Variants in CCDC25 observed in about 807,000 individuals in gnomAD.
CCDC25 encodes coiled-coil domain-containing protein 25.
CCDC25 carries 16 observed loss-of-function variants against 35.3 expected under a neutral mutation model. The ratio of observed to expected loss-of-function variants is 0.45; its 90% CI spans 0.31 to 0.69. CCDC25 has a LOEUF of 0.69. CCDC25 is among the 30% of genes least tolerant of loss of function. The probability of loss-of-function intolerance (pLI) is 0.06; values close to 1 mark genes in which losing one functional copy is unlikely to be tolerated. For missense variants in CCDC25, 179 were observed against 250.7 expected, an observed-to-expected ratio of 0.71 and a Z score of 1.93; for synonymous variants, 79 against 80.3, an observed-to-expected ratio of 0.98 and a Z score of 0.09.
chr8:27,768,914 T>C (rs1341243695), intron 1 of CCDC25, among the ~76,000 whole-genome samples: 1 of 122,262 alleles, frequency 8.2e-6, no homozygotes, highest in Non-Finnish European at 1.8e-5. Context: ...ACACTGGACT[T>C]ATTAGACTAA....
In CCDC25 at chr8:27,758,006, G is replaced by A. The variant is rs756564283; in HGVS notation, c.117-1236C>T. Among the ~76,000 whole-genome samples, 28 of 152,106 alleles carry A rather than the reference G, an allele frequency of 1.8e-4. 1 individual carries two copies. Among genetic ancestry groups the A allele is most frequent in the Non-Finnish European group, 3.4e-4 (23 of 68,026 alleles). Reference sequence around the variant, plus strand: ...CCATGATTAAAAGTTCTATGAATGAGGCCTCCCAGAAACAGACACTGCCAT... The same window carrying A: ...CCATGATTAAAAGTTCTATGAATGAAGCCTCCCAGAAACAGACACTGCCAT... On this transcript the variant is annotated intron_variant, in intron 3 of 8. Transcript: ENST00000356537.
chr8:27,771,973 G>C (rs1804635509), intron 1 of CCDC25: 1 of 153,722 alleles, frequency 6.5e-6, no homozygotes, highest in Non-Finnish European at 1.5e-5. Flanking sequence ...CTGAGATCTG[G>C]GACATCAACT....
intron 2 of CCDC25, among the ~76,000 whole-genome samples, chr8:27,762,887 A>G (rs983605905): frequency 1.3e-5 from 2 of 152,164 alleles, no homozygotes; most frequent in Non-Finnish European, 2.9e-5. Context: ...AATTTAAAAC[A>G]AAACAAACAT....
In CCDC25 at chr8:27,736,472, AGCAG is replaced by A. The variant is rs1026570553; in HGVS notation, c.598-231_598-228del. On this transcript the variant is annotated intron_variant, in intron 8 of 8. Coordinates refer to ENST00000356537, the MANE Select transcript of CCDC25 (RefSeq NM_018246.3). ...GTGTCATTACATGGCCTGATTACAC[AGCAG>A]TAAGTGACCACTGATCTCTAAATAA... 4.9e-4 allele frequency among the ~76,000 whole-genome samples: 74 copies of A among 152,308 alleles called. No individual in the cohort carries two copies. In the Middle Eastern group the frequency reaches 0.01, roughly 21 times the overall value.
intron 7 of CCDC25, among the ~76,000 whole-genome samples, chr8:27,745,305 C>T (rs2128937937): frequency 6.6e-6 from 1 of 152,246 alleles, no homozygotes; most frequent in South Asian, 2.1e-4. Context: ...CGCATCTCAA[C>T]TTTTAAATAT....
At chr8:27,753,751 A>G (rs1022879205) in intron 4 of CCDC25, among the ~76,000 whole-genome samples, 1 of 152,198 alleles carries the variant, frequency 6.6e-6, no homozygotes, top group African/African-American at 2.4e-5. Flanking sequence ...CTCTAAATCT[A>G]ATAGTTCCAA....
At chr8:27,741,539 G>A (rs535675415) in intron 7 of CCDC25, among the ~76,000 whole-genome samples, 18 of 152,226 alleles carry the variant, frequency 1.2e-4, no homozygotes, top group South Asian at 6.2e-4. Flanking sequence ...ATTAGCAAGC[G>A]TGGTGGCGTG....
At chr8:27,742,237 A>T (rs912129185) in intron 7 of CCDC25, among the ~76,000 whole-genome samples, 8 of 152,228 alleles carry the variant, frequency 5.3e-5, no homozygotes, top group Admixed American at 5.2e-4. Context: ...AGTCAAAGAT[A>T]ATGAGTTGGG....
intron 5 of CCDC25, among the ~76,000 whole-genome samples, chr8:27,750,409 G>A (rs1803757878): frequency 2.0e-5 from 3 of 152,164 alleles, no homozygotes; most frequent in African/African-American, 7.2e-5. Flanking sequence ...CAACGGGGTG[G>A]ATAATTTATG....
At chr8:27,756,258 T>A (rs184185901) in intron 4 of CCDC25, 39 of 154,908 alleles carry the variant, frequency 2.5e-4, no homozygotes, top group Admixed American at 1.2e-3. Flanking sequence ...AATAGTGGTA[T>A]TGTATTACTA....
chr8:27,751,569 C>T (rs1285920361), intron 5 of CCDC25, among the ~76,000 whole-genome samples: 13 of 152,154 alleles, frequency 8.5e-5, no homozygotes, highest in Admixed American at 6.5e-4. Context: ...GCTGTGGGTC[C>T]GCCCCATGTT....
intron 1 of CCDC25, among the ~76,000 whole-genome samples, chr8:27,765,942 A>T (rs1316642963): frequency 1.3e-5 from 2 of 152,224 alleles, no homozygotes; most frequent in Non-Finnish European, 2.9e-5. Context: ...TTCTAATATA[A>T]GGTCAGGGTT....
chr8:27,740,228 C>T (rs1303885390), intron 8 of CCDC25, among the ~76,000 whole-genome samples: 9 of 152,082 alleles, frequency 5.9e-5, no homozygotes, highest in South Asian at 2.1e-4. Flanking sequence ...TAGACCTGTA[C>T]GCCACAGTAG....
At chr8:27,738,286 A>G (rs183980218) in intron 8 of CCDC25, among the ~76,000 whole-genome samples, 14 of 151,748 alleles carry the variant, frequency 9.2e-5, no homozygotes, top group Non-Finnish European at 7.4e-5. Context: ...AAAACAAAAC[A>G]CAAACATCTG....
rs1803678089 is a variant in CCDC25 at position 27,748,396 on chromosome 8, T to C, written c.348+99A>G. ...TTTAATTCCCTTTAGAAAACATATA[T>C]CATGCTCAGCCCTCAACAACAATGG... On this transcript the variant is annotated intron_variant, in intron 6 of 8. Transcript: ENST00000356537. The C allele has an allele frequency of 3.8e-6, 5 of 1,311,118 alleles. No individual in the cohort carries two copies. In the South Asian group the frequency reaches 6.1e-5, roughly 16 times the overall value. The allele number at this position is 1,311,118 out of a possible 1,614,324, so 81.2% of individuals were successfully genotyped here.
intron 8 of CCDC25, 79 bp downstream of exon 8, chr8:27,740,393 A>C: frequency 2.9e-6 from 4 of 1,373,998 alleles, no homozygotes; most frequent in Non-Finnish European, 4.1e-6. Context: ...GTAAGGCAAT[A>C]ATGGCCAGTA....
chr8:27,755,406 A>T (rs1305600126), intron 4 of CCDC25, among the ~76,000 whole-genome samples: 1 of 152,248 alleles, frequency 6.6e-6, no homozygotes, highest in Non-Finnish European at 1.5e-5. Context: ...AAATAAACGC[A>T]GGAGTCTAGG....
rs148402726 is a variant in CCDC25 at position 27,768,482 on chromosome 8, T to C, written c.29-3231A>G. ...AAGGAGGCTGAGGCAAGAGAATCGC[T>C]TGAACCTAGGAGGCAGAAGTCGCAG... is the stretch of plus-strand genomic sequence containing the variant. On this transcript the variant is annotated intron_variant, in intron 1 of 8. Coordinates refer to ENST00000356537, the MANE Select transcript of CCDC25 (RefSeq NM_018246.3). Among the ~76,000 whole-genome samples the C allele has an allele frequency of 2.6e-3, 386 of 150,074 alleles. 3 individuals carry two copies. The highest frequency in any genetic ancestry group is 9.1e-3 in the African/African-American group (369 of 40,764).
chr8:27,749,529 C>T (rs1334193903), intron 5 of CCDC25, among the ~76,000 whole-genome samples: 2 of 152,206 alleles, frequency 1.3e-5, no homozygotes, highest in South Asian at 2.1e-4. Flanking sequence ...AAGCATCAGA[C>T]AAACCCCAAC....
Sources: allele counts gnomAD v4.1 joint callset (sites outside exome capture counted in the v4.1 genomes callset), GRCh38; gene constraint gnomAD v4.1.1; transcripts MANE v1.5; gene names NCBI Gene and HGNC (gene_info 2026-07-23, HGNC 2026-07-21).